The following RAPGEF5 variants were observed in gnomAD, a reference collection of about 807,000 sequenced individuals.
The protein encoded by RAPGEF5 is Rap guanine nucleotide exchange factor 5.
In RAPGEF5, 65 loss-of-function variants were observed where a neutral mutation model predicts 125.2. That is an observed-to-expected ratio of 0.52 (90% CI 0.43 to 0.64). The LOEUF is 0.64. Among genes scored for constraint, RAPGEF5 ranks in the 30% least tolerant of loss-of-function variants. The pLI, the probability that RAPGEF5 is intolerant of heterozygous loss-of-function variation, is 0.00. For missense variants in RAPGEF5, 958 were observed against 1,048.1 expected (o/e 0.91, Z 1.19); for synonymous variants, 391 against 385.9 (o/e 1.01, Z -0.16).
At chr7:22,273,677 A>C (rs1016750598) in intron 6 of RAPGEF5, among the ~76,000 whole-genome samples, 1 of 152,256 alleles carries the variant, frequency 6.6e-6, no homozygotes, top group African/African-American at 2.4e-5. Context: ...CTACGATTTT[A>C]AACGTCTATT....
intron 24 of RAPGEF5, among the ~76,000 whole-genome samples, chr7:22,128,840 C>T (rs1782828076): frequency 6.6e-6 from 1 of 152,092 alleles, no homozygotes; most frequent in Admixed American, 6.6e-5. Flanking sequence ...TGAACTGCAC[C>T]CATTTCTTCA....
intron 25 of RAPGEF5, chr7:22,125,220 TC>T: frequency 6.1e-6 from 1 of 162,818 alleles, no homozygotes. Context: ...CCAGGAAGGC[TC>T]CACGCAAAGA....
intron 5 of RAPGEF5, among the ~76,000 whole-genome samples, chr7:22,292,634 G>T (rs994616458): frequency 3.3e-5 from 5 of 152,146 alleles, no homozygotes; most frequent in African/African-American, 1.2e-4. Flanking sequence ...GACTGGAAAC[G>T]CTTTATAACC....
intron 7 of RAPGEF5, among the ~76,000 whole-genome samples, chr7:22,233,175 C>T (rs1462654835): frequency 6.6e-6 from 1 of 152,082 alleles, no homozygotes; most frequent in Non-Finnish European, 1.5e-5. Flanking sequence ...ATGCAATGGG[C>T]TATAGAAGTA....
chr7:22,183,268 CAAAAAAAAAAAA>C lies in RAPGEF5; in HGVS notation c.1204+10087_1204+10098del, dbSNP rs757079018. ...TGGGTAACAGAGTGAGACTCCATCA[CAAAAAAAAAAAA>C]AAAAAAAAAAAAAAAGATTTTTATA... On this transcript the variant is annotated intron_variant, in intron 11 of 25. Coordinates refer to ENST00000665637, the MANE Select transcript of RAPGEF5 (RefSeq NM_012294.5). 2.3e-4 allele frequency among the ~76,000 whole-genome samples: 7 copies of C among 30,978 alleles called. 1 individual carries two copies. Among genetic ancestry groups the C allele is most frequent in the South Asian group, 1.3e-3 (1 of 756 alleles). The allele number at this position is 30,978 out of a possible 152,430, so 20.3% of individuals were successfully genotyped here.
At chr7:22,314,111 A>C (rs554520734) in intron 3 of RAPGEF5, among the ~76,000 whole-genome samples, 1 of 152,192 alleles carries the variant, frequency 6.6e-6, no homozygotes, top group Non-Finnish European at 1.5e-5. Flanking sequence ...AAATGTGCTT[A>C]ATTAAAGTGT....
At chr7:22,290,190 C>A (rs1438878598) in intron 6 of RAPGEF5, among the ~76,000 whole-genome samples, 1 of 152,178 alleles carries the variant, frequency 6.6e-6, no homozygotes, top group Non-Finnish European at 1.5e-5. Context: ...CCAGTTTCAT[C>A]CTTACACATA....
chr7:22,290,676 C>T (rs1782912043), intron 6 of RAPGEF5, among the ~76,000 whole-genome samples: 1 of 139,794 alleles, frequency 7.2e-6, no homozygotes, highest in African/African-American at 2.6e-5. Context: ...ACCCGGGAGG[C>T]GGAGCTTGCA....
chr7:22,234,036 C>A (rs751212617), intron 7 of RAPGEF5, among the ~76,000 whole-genome samples: 2 of 152,004 alleles, frequency 1.3e-5, no homozygotes, highest in African/African-American at 2.4e-5. Flanking sequence ...GAGAAGACAG[C>A]GTAAATAACA....
intron 7 of RAPGEF5, among the ~76,000 whole-genome samples, chr7:22,239,239 A>T (rs1264444046): frequency 1.3e-5 from 2 of 152,198 alleles, no homozygotes; most frequent in Non-Finnish European, 2.9e-5. Flanking sequence ...AATGACTTAC[A>T]CAATTTTAAG....
chr7:22,131,787 T>A (rs1268886301), intron 23 of RAPGEF5, among the ~76,000 whole-genome samples: 12 of 152,194 alleles, frequency 7.9e-5, no homozygotes. Flanking sequence ...TGCATTTAAA[T>A]GAGTGAGGAT....
At chr7:22,218,885 G>A (rs899667830) in intron 9 of RAPGEF5, among the ~76,000 whole-genome samples, 4 of 152,214 alleles carry the variant, frequency 2.6e-5, no homozygotes, top group Middle Eastern at 3.4e-3. Flanking sequence ...GTTACAATTC[G>A]ATGTCTCACT....
At chr7:22,263,697 T>C (rs765792067) in intron 7 of RAPGEF5, among the ~76,000 whole-genome samples, 10 of 149,634 alleles carry the variant, frequency 6.7e-5, no homozygotes, top group Non-Finnish European at 1.0e-4. Flanking sequence ...GCCACTGCAC[T>C]CCATTCTGGG....
rs1381451100 is a variant in RAPGEF5, at chr7:22,119,365, T to C, written c.*3041A>G. On this transcript the variant is annotated 3_prime_UTR_variant, in exon 26 of 26. Coordinates refer to ENST00000665637, the MANE Select transcript of RAPGEF5 (RefSeq NM_012294.5). The surrounding 1 kb of genome is among the most constrained non-coding windows in gnomAD (Gnocchi z 4.1). Reference sequence around the variant, plus strand: ...GGTTCTCGGTCTAGGGAAATGAATTTATTCTAAACATAATTAAGGAAACTA... The same window carrying C: ...GGTTCTCGGTCTAGGGAAATGAATTCATTCTAAACATAATTAAGGAAACTA... The C allele has an allele frequency of 6.6e-6, 1 of 152,328 alleles. No homozygotes were observed. The highest frequency in any genetic ancestry group is 1.9e-4 in the East Asian group (1 of 5,184). 9.4% of individuals were successfully genotyped at this position (152,328 alleles called of 1,614,324 possible). A position where few individuals can be genotyped will look rare whatever the true frequency, so the allele number is the denominator to read the frequency against.
chr7:22,295,078 T>C (rs1783028711), intron 5 of RAPGEF5, among the ~76,000 whole-genome samples: 1 of 152,128 alleles, frequency 6.6e-6, no homozygotes, highest in African/African-American at 2.4e-5. Context: ...GATCAACATC[T>C]CCCCATTTCC....
chr7:22,158,030 G>A, intron 14 of RAPGEF5, 145 bp from the exon 15 acceptor site: 1 of 706,930 alleles, frequency 1.4e-6, no homozygotes, highest in Non-Finnish European at 2.4e-6. Flanking sequence ...AATTCACTAT[G>A]TACAACACAT....
At chr7:22,217,789 T>C (rs1281057729) in intron 9 of RAPGEF5, among the ~76,000 whole-genome samples, 1 of 152,214 alleles carries the variant, frequency 6.6e-6, no homozygotes, top group Admixed American at 6.5e-5. Flanking sequence ...GAGCTGTTAA[T>C]GCACCCATGA....
At chr7:22,134,628 T>C (rs1196358691) in intron 23 of RAPGEF5, among the ~76,000 whole-genome samples, 1 of 152,210 alleles carries the variant, frequency 6.6e-6, no homozygotes, top group African/African-American at 2.4e-5. Flanking sequence ...GTTTCAAAAT[T>C]TTTTCTTCCT....
At chr7:22,145,367 TA>T (rs1264306168) in intron 19 of RAPGEF5, 145 bp from the exon 20 acceptor site, 1 of 727,812 alleles carries the variant, frequency 1.4e-6, no homozygotes, top group African/African-American at 1.8e-5. Flanking sequence ...AGTAATACAT[TA>T]AATTCAAAAT....
Sources: allele counts gnomAD v4.1 joint callset (sites outside exome capture counted in the v4.1 genomes callset), GRCh38; gene constraint gnomAD v4.1.1; non-coding constraint Gnocchi (gnomAD v3.1); transcripts MANE v1.5; gene names NCBI Gene and HGNC (gene_info 2026-07-23, HGNC 2026-07-21).